The following SGPP2 variants were observed in gnomAD, a reference collection of about 807,000 sequenced individuals.
The protein encoded by SGPP2 is sphingosine 1-phosphate phosphohydrolase 2.
Under a neutral mutation model 33.9 loss-of-function variants are expected in SGPP2, and 30 were observed. The observed-to-expected ratio is 0.89, with a 90% CI of 0.66 to 1.20. SGPP2 has a LOEUF of 1.20. Among genes scored for constraint, SGPP2 ranks in the 50% most tolerant of loss-of-function variants. The probability of loss-of-function intolerance (pLI) is 0.00; values close to 1 mark genes in which losing one functional copy is unlikely to be tolerated. For missense variants in SGPP2, 458 were observed against 532.1 expected (o/e 0.86, Z 1.37); for synonymous variants, 233 against 225.0 (o/e 1.04, Z -0.32).
At chr2:222,543,943 G>A (rs557103593) in intron 4 of SGPP2, among the ~76,000 whole-genome samples, 42 of 152,094 alleles carry the variant, frequency 2.8e-4, no homozygotes, top group Non-Finnish European at 4.6e-4. Context: ...TTGTAATATT[G>A]ACTATTCCAA....
intron 4 of SGPP2, among the ~76,000 whole-genome samples, chr2:222,532,509 T>C (rs534461844): frequency 1.3e-5 from 2 of 152,246 alleles, no homozygotes; most frequent in Admixed American, 1.3e-4. Flanking sequence ...CCCGCATGGC[T>C]GTGTCATCAT....
At chr2:222,464,907 T>C (rs1364944755) in intron 1 of SGPP2, among the ~76,000 whole-genome samples, 5 of 152,212 alleles carry the variant, frequency 3.3e-5, no homozygotes, top group Non-Finnish European at 1.5e-5. Flanking sequence ...AATTTCTTAA[T>C]TTGTAGTCCT....
rs1697899797 is a variant in SGPP2 at position 222,474,571 on chromosome 2, T to G, written c.223T>G (p.Tyr75Asp). ...TCTTCTAACTTTTGTCTTTTAGGCT[T>G]ATGTACAGAAGTACGTCGTGAAGAA... is the stretch of plus-strand genomic sequence containing the variant. ...GLRRAAAPEA[Y>D]VQKYVVKNYF... is the part of the protein sequence containing the mutation. The change falls in exon 2 of 5, where the codon TAT becomes GAT. Residue 75 changes from tyrosine to aspartate, a missense_variant. Coordinates refer to ENST00000321276, the MANE Select transcript of SGPP2 (RefSeq NM_152386.4). 1 of 1,613,356 alleles carries G rather than the reference T, an allele frequency of 6.2e-7. No individual in the cohort carries two copies. Among genetic ancestry groups the G allele is most frequent in the Non-Finnish European group, 8.5e-7 (1 of 1,179,718 alleles).
intron 1 of SGPP2, among the ~76,000 whole-genome samples, chr2:222,458,801 C>T (rs1697611909): frequency 6.6e-6 from 1 of 152,180 alleles, no homozygotes; most frequent in South Asian, 2.1e-4. Flanking sequence ...CTCACCTCAC[C>T]CCCAGCCCAG....
chr2:222,543,170 TTC>T (rs1472265807), intron 4 of SGPP2, among the ~76,000 whole-genome samples: 1 of 152,248 alleles, frequency 6.6e-6, no homozygotes, highest in Non-Finnish European at 1.5e-5. Context: ...CATAAAGATA[TTC>T]TGTTATTATA....
chr2:222,438,489 G>T (rs1697277901), intron 1 of SGPP2, among the ~76,000 whole-genome samples: 1 of 152,240 alleles, frequency 6.6e-6, no homozygotes, highest in African/African-American at 2.4e-5. Context: ...GACAGTAAAG[G>T]TATATTGCTG....
rs184906956 is a variant in SGPP2 at position 222,454,696 on chromosome 2, G to A, written c.220-19872G>A. ...GCAAGTGTGAGCCTCATTCCCTTCT[G>A]TGAAAATGAGGCAATTGGACCAAAC... On this transcript the variant is annotated intron_variant, in intron 1 of 4. Transcript: ENST00000321276. Among the ~76,000 whole-genome samples the A allele has an allele frequency of 1.3e-3, 191 of 149,142 alleles. 3 individuals carry two copies. Among genetic ancestry groups the A allele is most frequent in the Admixed American group, 3.1e-3 (46 of 14,840 alleles).
At chr2:222,470,640 A>G (rs986814391) in intron 1 of SGPP2, among the ~76,000 whole-genome samples, 3 of 147,986 alleles carry the variant, frequency 2.0e-5, no homozygotes, top group Admixed American at 6.6e-5. Context: ...CGGTCTCTAG[A>G]GTAGGGTAAT....
rs1698073183 is a variant in SGPP2 at position 222,484,354 on chromosome 2, T to TAGA, written c.378+9628_378+9629insAGA. ...AGCTGTCCCAGATAGAGCCCGTTGT[T>TAGA]CCCCTCACCCCCAGGATCATTTCTG... On this transcript the variant is annotated intron_variant, in intron 2 of 4. Coordinates refer to ENST00000321276, the MANE Select transcript of SGPP2 (RefSeq NM_152386.4). 3.9e-5 allele frequency among the ~76,000 whole-genome samples: 6 copies of TAGA among 152,264 alleles called. No individual in the cohort carries two copies. The South Asian group carries it at 1.2e-3, about 32-fold the overall frequency.
At chr2:222,480,784 T>G (rs530143769) in intron 2 of SGPP2, among the ~76,000 whole-genome samples, 1 of 152,328 alleles carries the variant, frequency 6.6e-6, no homozygotes, top group Non-Finnish European at 1.5e-5. Flanking sequence ...CATTGCTAAT[T>G]TAACCAAAGA....
chr2:222,463,638 AAG>A (rs1050359744), intron 1 of SGPP2, among the ~76,000 whole-genome samples: 42 of 152,288 alleles, frequency 2.8e-4, no homozygotes, highest in African/African-American at 9.9e-4. Context: ...ACTGTCCTGA[AAG>A]AAAATTCCAA....
At chr2:222,523,753 T>C (rs1698718725) in intron 3 of SGPP2, among the ~76,000 whole-genome samples, 1 of 151,682 alleles carries the variant, frequency 6.6e-6, no homozygotes, top group South Asian at 2.1e-4. Flanking sequence ...TATTGGTTTA[T>C]GTGTGTTGAG....
intron 2 of SGPP2, among the ~76,000 whole-genome samples, chr2:222,493,802 G>T (rs1698235029): frequency 6.6e-6 from 1 of 152,028 alleles, no homozygotes; most frequent in Admixed American, 6.6e-5. Flanking sequence ...TGATCTCTTT[G>T]GAGTGTTACA....
chr2:222,444,233 T>A (rs1280285224), intron 1 of SGPP2, among the ~76,000 whole-genome samples: 2 of 152,190 alleles, frequency 1.3e-5, no homozygotes, highest in Non-Finnish European at 2.9e-5. Context: ...AGACTCTAGT[T>A]TGAGCTAATC....
chr2:222,493,407 G>A (rs1483738443), intron 2 of SGPP2, among the ~76,000 whole-genome samples: 1 of 152,164 alleles, frequency 6.6e-6, no homozygotes, highest in Non-Finnish European at 1.5e-5. Context: ...CAGCATGGGG[G>A]AAACTGCCCC....
intron 1 of SGPP2, among the ~76,000 whole-genome samples, chr2:222,425,121 G>A (rs1197067856): frequency 6.6e-6 from 1 of 152,230 alleles, no homozygotes; most frequent in African/African-American, 2.4e-5. Flanking sequence ...CAGCAAATAT[G>A]TAAGAGTTAC....
intron 4 of SGPP2, among the ~76,000 whole-genome samples, chr2:222,539,170 G>A (rs1698957196): frequency 6.6e-6 from 1 of 152,148 alleles, no homozygotes; most frequent in Non-Finnish European, 1.5e-5. Flanking sequence ...TCCAAGAAAC[G>A]ATGGGATTGG....
At chr2:222,426,036 C>A (rs758167048) in intron 1 of SGPP2, among the ~76,000 whole-genome samples, 1 of 151,558 alleles carries the variant, frequency 6.6e-6, no homozygotes, top group Non-Finnish European at 1.5e-5. Context: ...CTTGCCTTGT[C>A]TTAAAAACGG....
chr2:222,555,084 T>A (rs1196992445), intron 4 of SGPP2, among the ~76,000 whole-genome samples: 1 of 152,052 alleles, frequency 6.6e-6, no homozygotes, highest in Admixed American at 6.5e-5. Flanking sequence ...TTTTCAAGAA[T>A]GTTATCTAAA....
Sources: gnomAD v4.1 joint callset for allele counts (sites outside exome capture counted in the v4.1 genomes callset) on GRCh38, gnomAD v4.1.1 for gene constraint, MANE v1.5 for transcripts, NCBI Gene and HGNC (gene_info 2026-07-23, HGNC 2026-07-21) for gene names.